Variants in THSD7B observed in about 807,000 individuals in gnomAD.
THSD7B encodes the protein thrombospondin type-1 domain-containing protein 7B.
Under a neutral mutation model 213.6 loss-of-function variants are expected in THSD7B, and 138 were observed. The ratio of observed to expected loss-of-function variants is 0.65; its 90% CI spans 0.56 to 0.74. The LOEUF (loss-of-function observed/expected upper bound fraction) is 0.74. Among genes scored for constraint, THSD7B ranks in the 30% least tolerant of loss-of-function variants. The probability of loss-of-function intolerance (pLI) is 0.00; values close to 1 mark genes in which losing one functional copy is unlikely to be tolerated. For synonymous variants in THSD7B, 742 were observed against 687.0 expected, an observed-to-expected ratio of 1.08 and a Z score of -1.25; for missense variants, 1,931 against 1,991.5, an observed-to-expected ratio of 0.97 and a Z score of 0.58.
At chr2:136,958,859 A>G (rs1337274904) in intron 2 of THSD7B, among the ~76,000 whole-genome samples, 9 of 152,126 alleles carry the variant, frequency 5.9e-5, no homozygotes, top group Non-Finnish European at 1.3e-4. Context: ...TTTCATCTAG[A>G]GTGGGTACTT....
intron 6 of THSD7B, among the ~76,000 whole-genome samples, chr2:137,167,861 C>T (rs767676562): frequency 5.3e-5 from 8 of 152,166 alleles, no homozygotes; most frequent in African/African-American, 9.7e-5. Context: ...AACTAAACCA[C>T]GGTGCCTTTC....
intron 2 of THSD7B, among the ~76,000 whole-genome samples, chr2:136,977,806 T>TCTG (rs1685507263): frequency 1.9e-5 from 1 of 51,552 alleles, no homozygotes; most frequent in Non-Finnish European, 7.2e-5. Context: ...TCTTTGTTTT[T>TCTG]TTTTTTTTTT....
At chr2:137,055,605 G>C (rs146265991) in intron 2 of THSD7B, among the ~76,000 whole-genome samples, 119 of 152,172 alleles carry the variant, frequency 7.8e-4, no homozygotes, top group African/African-American at 2.7e-3. Flanking sequence ...TCCATTTCTT[G>C]GACTCTTACC....
At chr2:137,562,243 A>G (rs1681133660) in intron 15 of THSD7B, among the ~76,000 whole-genome samples, 1 of 152,190 alleles carries the variant, frequency 6.6e-6, no homozygotes. Context: ...TTTAAAAGGA[A>G]AAGCATGAAT....
chr2:137,662,040 A>G (rs114815831), intron 25 of THSD7B, among the ~76,000 whole-genome samples: 3,726 of 149,012 alleles, frequency 0.025, 133 homozygotes, highest in African/African-American at 0.086. Context: ...ACTGATCACC[A>G]GCTTCAGGTG....
intron 1 of THSD7B, among the ~76,000 whole-genome samples, chr2:136,822,304 G>A (rs1206903989): frequency 6.6e-6 from 1 of 152,030 alleles, no homozygotes; most frequent in Non-Finnish European, 1.5e-5. Flanking sequence ...GAATCCCTTC[G>A]GCCGTTTGTG....
intron 17 of THSD7B, among the ~76,000 whole-genome samples, chr2:137,615,640 A>G (rs1431540490): frequency 6.6e-6 from 1 of 152,204 alleles, no homozygotes; most frequent in African/African-American, 2.4e-5. Flanking sequence ...TGCTCTGTGG[A>G]CCAAAGGCAT....
At position 137,233,021 on chromosome 2, in the gene THSD7B, A is replaced by T; in HGVS notation, c.2038A>T (p.Thr680Ser). 1 of 1,613,964 alleles carries T rather than the reference A, an allele frequency of 6.2e-7. No homozygotes were observed. The highest frequency in any genetic ancestry group is 8.5e-7 in the Non-Finnish European group (1 of 1,179,848). The change falls in exon 9 of 28, where the codon ACT becomes TCT. Residue 680 changes from threonine (T) to serine (S), a missense_variant. By Grantham distance (58) the Thr-to-Ser change is moderately conservative (BLOSUM62 1). Coordinates refer to ENST00000409968, the MANE Select transcript of THSD7B (RefSeq NM_001316349.2). ...WGPCSEDTLV[T>S]ALNATIGWNG... Reference sequence around the variant, plus strand: ...CCCTTGTTCTGAGGACACATTGGTAACTGCCCTTAATGCAACCATTGGCTG... The same window carrying T: ...CCCTTGTTCTGAGGACACATTGGTATCTGCCCTTAATGCAACCATTGGCTG...
chr2:137,078,289 G>C (rs1410866322), intron 3 of THSD7B, among the ~76,000 whole-genome samples: 2 of 152,128 alleles, frequency 1.3e-5, no homozygotes, highest in African/African-American at 4.8e-5. Context: ...TTTTGGCTTA[G>C]GATTGACTTG....
At chr2:137,179,571 GAA>G (rs35478628) in intron 7 of THSD7B, among the ~76,000 whole-genome samples, 46 of 140,272 alleles carry the variant, frequency 3.3e-4, no homozygotes, top group African/African-American at 1.2e-3. Context: ...ATATAGTGGG[GAA>G]AAAAAAAAAG....
intron 2 of THSD7B, among the ~76,000 whole-genome samples, chr2:136,887,601 A>G (rs1683741400): frequency 6.6e-6 from 1 of 152,030 alleles, no homozygotes; most frequent in Non-Finnish European, 1.5e-5. Context: ...CCCTCTTGCC[A>G]TGTGACACAC....
At chr2:137,049,480 A>G (rs772083968) in intron 2 of THSD7B, among the ~76,000 whole-genome samples, 7 of 152,236 alleles carry the variant, frequency 4.6e-5, no homozygotes, top group Non-Finnish European at 1.0e-4. Flanking sequence ...AACAATTTCA[A>G]TAAGGCACAT....
chr2:137,331,359 G>A (rs867302749), intron 12 of THSD7B, among the ~76,000 whole-genome samples: 1 of 148,976 alleles, frequency 6.7e-6, no homozygotes, highest in African/African-American at 2.5e-5. Flanking sequence ...GTTCTCCAAG[G>A]CCCCACCAGA....
intron 1 of THSD7B, among the ~76,000 whole-genome samples, chr2:136,779,684 A>G (rs1681694596): frequency 6.6e-6 from 1 of 152,208 alleles, no homozygotes; most frequent in South Asian, 2.1e-4. Context: ...AAAATCAGTT[A>G]CCATGGAATG....
At position 136,886,276 on chromosome 2, in the gene THSD7B, T is replaced by C. The variant is rs543743094; in HGVS notation, c.139+3959T>C. ...AGAGGGTGGTGACATAAGCTGACTT[T>C]CTTGTTGACTTTCTTTTCAATAAGA... On this transcript the variant is annotated intron_variant, in intron 2 of 27. Transcript: ENST00000409968. 2.6e-5 allele frequency among the ~76,000 whole-genome samples: 4 copies of C among 152,242 alleles called. No individual in the cohort carries two copies. The South Asian group carries it at 8.3e-4, about 32-fold the overall frequency.
chr2:136,843,375 C>G (rs1212206786), intron 1 of THSD7B, among the ~76,000 whole-genome samples: 1 of 152,160 alleles, frequency 6.6e-6, no homozygotes, highest in Non-Finnish European at 1.5e-5. Flanking sequence ...ATGCTTATCC[C>G]TCATAATGGA....
chr2:137,242,097 C>A (rs2105064985), intron 9 of THSD7B, among the ~76,000 whole-genome samples: 1 of 152,186 alleles, frequency 6.6e-6, no homozygotes, highest in Admixed American at 6.5e-5. Flanking sequence ...ATGTATCACC[C>A]TGAATAAAAC....
intron 10 of THSD7B, among the ~76,000 whole-genome samples, chr2:137,251,787 T>G (rs1169701063): frequency 6.6e-6 from 1 of 152,194 alleles, no homozygotes; most frequent in Non-Finnish European, 1.5e-5. Flanking sequence ...AAACTCTGCA[T>G]TTTTAAATTA....
At chr2:137,448,662 G>A (rs534217122) in intron 14 of THSD7B, among the ~76,000 whole-genome samples, 3 of 152,116 alleles carry the variant, frequency 2.0e-5, no homozygotes, top group Non-Finnish European at 4.4e-5. Flanking sequence ...AGCCGGGAGC[G>A]GTGGCGGGCG....
Sources: allele counts gnomAD v4.1 joint callset (sites outside exome capture counted in the v4.1 genomes callset), GRCh38; gene constraint gnomAD v4.1.1; transcripts MANE v1.5; gene names NCBI Gene and HGNC (gene_info 2026-07-23, HGNC 2026-07-21).